Variants in CRPPA observed in about 807,000 individuals in gnomAD.
CRPPA encodes the protein D-ribitol-5-phosphate cytidylyltransferase.
In CRPPA, 43 loss-of-function variants were observed where a neutral mutation model predicts 52.0. The ratio of observed to expected loss-of-function variants is 0.83; its 90% CI spans 0.65 to 1.07. The LOEUF is 1.07. CRPPA is among the 50% of genes least tolerant of loss of function. The pLI, the probability that CRPPA is intolerant of heterozygous loss-of-function variation, is 0.00. For missense variants in CRPPA, 629 were observed against 551.7 expected (o/e 1.14, Z -1.40); for synonymous variants, 250 against 203.5 (o/e 1.23, Z -1.94).
At chr7:16,303,477 TAAAAAAA>T (rs545663821) in intron 4 of CRPPA, among the ~76,000 whole-genome samples, 11 of 44,976 alleles carry the variant, frequency 2.4e-4, no homozygotes, top group Admixed American at 2.0e-3. Flanking sequence ...CATAAAATAG[TAAAAAAA>T]AAAAAAAAAA....
At chr7:16,376,870 T>C (rs921337212) in intron 2 of CRPPA, among the ~76,000 whole-genome samples, 4 of 152,220 alleles carry the variant, frequency 2.6e-5, no homozygotes, top group African/African-American at 7.2e-5. Flanking sequence ...AGACATTTCA[T>C]GTCTGACAAT....
intron 9 of CRPPA, among the ~76,000 whole-genome samples, chr7:16,144,045 G>T (rs1187464074): frequency 6.6e-6 from 1 of 152,166 alleles, no homozygotes; most frequent in Non-Finnish European, 1.5e-5. Context: ...TTGGAATTCA[G>T]GTAGAGGGAA....
intron 9 of CRPPA, among the ~76,000 whole-genome samples, chr7:16,104,559 C>A (rs146874918): frequency 4.9e-4 from 75 of 152,244 alleles, no homozygotes; most frequent in Admixed American, 1.4e-3. Context: ...TAGGAATAAT[C>A]TTGTGTCAGA....
chr7:16,395,978 C>A (rs1197973922), intron 2 of CRPPA, among the ~76,000 whole-genome samples: 1 of 152,204 alleles, frequency 6.6e-6, no homozygotes, highest in Non-Finnish European at 1.5e-5. Flanking sequence ...CATAGCACCT[C>A]AGAGAATAGG....
chr7:16,358,915 C>T (rs1368071504), intron 3 of CRPPA, among the ~76,000 whole-genome samples: 1 of 152,036 alleles, frequency 6.6e-6, no homozygotes, highest in Admixed American at 6.6e-5. Flanking sequence ...CAAAGAATGT[C>T]AGTAAAATGA....
chr7:16,196,644 T>A (rs1435727968), intron 9 of CRPPA, among the ~76,000 whole-genome samples: 1 of 152,182 alleles, frequency 6.6e-6, no homozygotes, highest in Non-Finnish European at 1.5e-5. Context: ...GAACACATTA[T>A]AGTATCTAGA....
At chr7:16,126,937 G>T (rs954280489) in intron 9 of CRPPA, among the ~76,000 whole-genome samples, 8 of 152,088 alleles carry the variant, frequency 5.3e-5, no homozygotes, top group African/African-American at 1.7e-4. Context: ...AAAATAGTAT[G>T]CTACAAGACT....
At chr7:16,313,318 T>C (rs1030442945) in intron 3 of CRPPA, among the ~76,000 whole-genome samples, 1 of 151,992 alleles carries the variant, frequency 6.6e-6, no homozygotes, top group Non-Finnish European at 1.5e-5. Context: ...AATGAACTGG[T>C]CCATTTCACC....
In CRPPA at chr7:16,368,226, G is replaced by A. The variant is rs182059853; in HGVS notation, c.684+7866C>T. ...CAATAAGAATCCACTGGACCAATCCGTGGGCTTTTCTTCATGTTCCTGAAG... is the reference window on the plus strand; with the variant it reads ...CAATAAGAATCCACTGGACCAATCCATGGGCTTTTCTTCATGTTCCTGAAG... On this transcript the variant is annotated intron_variant, in intron 3 of 9. Coordinates refer to ENST00000407010, the MANE Select transcript of CRPPA (RefSeq NM_001101426.4). Among the ~76,000 whole-genome samples the A allele has an allele frequency of 1.6e-4, 24 of 152,268 alleles. No individual in the cohort carries two copies. In the East Asian group the frequency reaches 2.9e-3, roughly 18 times the overall value.
At chr7:16,176,805 C>T (rs1039954311) in intron 9 of CRPPA, among the ~76,000 whole-genome samples, 6 of 152,022 alleles carry the variant, frequency 3.9e-5, no homozygotes, top group African/African-American at 7.2e-5. Flanking sequence ...CTCCCAAGTG[C>T]TTACTCTAGA....
At chr7:16,222,876 T>C (rs187266455) in intron 8 of CRPPA, among the ~76,000 whole-genome samples, 37 of 152,324 alleles carry the variant, frequency 2.4e-4, no homozygotes, top group Admixed American at 7.8e-4. Flanking sequence ...ATGCATAGAA[T>C]GTGTATTGAT....
At chr7:16,297,536 G>C (rs1784699617) in intron 5 of CRPPA, among the ~76,000 whole-genome samples, 1 of 152,024 alleles carries the variant, frequency 6.6e-6, no homozygotes, top group Non-Finnish European at 1.5e-5. Context: ...TAAATGTTAG[G>C]GGATGCAACA....
chr7:16,349,194 G>C (rs1583539179), intron 3 of CRPPA, among the ~76,000 whole-genome samples: 1 of 152,234 alleles, frequency 6.6e-6, no homozygotes, highest in East Asian at 1.9e-4. Context: ...TACCTTCCAG[G>C]TATCAGAGTA....
chr7:16,256,034 AATCT>A (rs1452675940), intron 8 of CRPPA, among the ~76,000 whole-genome samples: 4 of 152,238 alleles, frequency 2.6e-5, no homozygotes, highest in Non-Finnish European at 5.9e-5. Flanking sequence ...AAATGTTTGC[AATCT>A]ATCTATCTGA....
intron 5 of CRPPA, among the ~76,000 whole-genome samples, chr7:16,286,064 T>TTTAAAAAAAAAAAA (rs1562608509): frequency 7.1e-4 from 21 of 29,766 alleles, no homozygotes; most frequent in African/African-American, 1.2e-3. Flanking sequence ...TATATATATA[T>TTTAAAAAAAAAAAA]ATATATATAT....
At chr7:16,167,059 G>C (rs1258874449) in intron 9 of CRPPA, among the ~76,000 whole-genome samples, 4 of 151,646 alleles carry the variant, frequency 2.6e-5, no homozygotes, top group Non-Finnish European at 5.9e-5. Flanking sequence ...CTCCCGAGTA[G>C]CTGGGACTAC....
At chr7:16,373,423 A>G (rs2128311534) in intron 3 of CRPPA, among the ~76,000 whole-genome samples, 1 of 152,344 alleles carries the variant, frequency 6.6e-6, no homozygotes, top group East Asian at 1.9e-4. Context: ...CATTCGTTTG[A>G]ACAAATATAT....
rs1359757271 is a variant in CRPPA, at chr7:16,159,551, T to C, written c.1251+56515A>G. On this transcript the variant is annotated intron_variant, in intron 9 of 9. Transcript: ENST00000407010. ...AAGGACATGAACTCATTCCTTTTTATGGCTACATAGTATTCCATGGTATAT... is the reference window on the plus strand; with the variant it reads ...AAGGACATGAACTCATTCCTTTTTACGGCTACATAGTATTCCATGGTATAT... 2.0e-5 allele frequency among the ~76,000 whole-genome samples: 3 copies of C among 152,352 alleles called. No homozygotes were observed. In the East Asian group the frequency reaches 5.8e-4, roughly 29 times the overall value.
At chr7:16,338,286 A>G (rs558468392) in intron 3 of CRPPA, among the ~76,000 whole-genome samples, 153 of 152,376 alleles carry the variant, frequency 1.0e-3, no homozygotes, top group South Asian at 6.6e-3. Context: ...AATGAAGGAT[A>G]AAAGTCATAT....
Sources: gnomAD v4.1 joint callset for allele counts (sites outside exome capture counted in the v4.1 genomes callset) on GRCh38, gnomAD v4.1.1 for gene constraint, MANE v1.5 for transcripts, NCBI Gene and HGNC (gene_info 2026-07-23, HGNC 2026-07-21) for gene names.